GPHN: variants seen among roughly 807,000 people sequenced by gnomAD.
GPHN encodes gephyrin.
Under a neutral mutation model 95.5 loss-of-function variants are expected in GPHN, and 17 were observed. The observed-to-expected ratio is 0.18, with a 90% confidence interval of 0.12 to 0.27. The LOEUF (loss-of-function observed/expected upper bound fraction) is 0.27. Among genes scored for constraint, GPHN ranks in the 10% least tolerant of loss-of-function variants. The pLI, the probability that GPHN is intolerant of heterozygous loss-of-function variation, is 1.00. For synonymous variants in GPHN, 320 were observed against 322.5 expected (o/e 0.99, Z 0.08); for missense variants, 660 against 978.1 (o/e 0.67, Z 4.34).
chr14:67,374,518 T>G, the GPHN span: 1 of 1,608,302 alleles, frequency 6.2e-7, no homozygotes, highest in Non-Finnish European at 8.5e-7. Flanking sequence ...AGCAATCAAA[T>G]GTGAAGACAA....
At chr14:66,918,567 C>T (rs751841000) in intron 6 of GPHN, among the ~76,000 whole-genome samples, 4 of 152,112 alleles carry the variant, frequency 2.6e-5, no homozygotes, top group Non-Finnish European at 5.9e-5. Flanking sequence ...CTGCTAGACA[C>T]GAAAGCTTTG....
chr14:66,647,862 T>C (rs1348558494), intron 1 of GPHN, among the ~76,000 whole-genome samples: 1 of 152,176 alleles, frequency 6.6e-6, no homozygotes, highest in African/African-American at 2.4e-5. Flanking sequence ...ATTCAAATGT[T>C]AAAACATTGC....
chr14:67,717,582 G>C, the GPHN span, among the ~76,000 whole-genome samples: 1 of 152,184 alleles, frequency 6.6e-6, no homozygotes, highest in African/African-American at 2.4e-5. Context: ...CTACATTCTG[G>C]AGGGCAGTGG....
At chr14:66,581,759 T>A (rs913041591) in intron 1 of GPHN, among the ~76,000 whole-genome samples, 1 of 151,846 alleles carries the variant, frequency 6.6e-6, no homozygotes, top group Non-Finnish European at 1.5e-5. Context: ...TTATATCAGA[T>A]GAAATAGAAT....
chr14:66,964,979 A>G lies in GPHN; in HGVS notation c.829-212A>G, dbSNP rs10147356. ...ATACTATACTGCCTCTCATATTAAAAAGTTTTATGAAATGGTACTTGCCAG... is the reference window on the plus strand; with the variant it reads ...ATACTATACTGCCTCTCATATTAAAGAGTTTTATGAAATGGTACTTGCCAG... On this transcript the variant is annotated intron_variant, in intron 8 of 22. Coordinates refer to ENST00000478722, the MANE Select transcript of GPHN (RefSeq NM_020806.5). Among the ~76,000 whole-genome samples the G allele has an allele frequency of 0.047, 7,217 of 152,234 alleles. 371 individuals carry two copies. The highest frequency in any genetic ancestry group is 0.12 in the African/African-American group (5,003 of 41,528).
intron 4 of GPHN, among the ~76,000 whole-genome samples, chr14:66,879,192 C>A (rs1364261713): frequency 6.6e-6 from 1 of 151,992 alleles, no homozygotes; most frequent in African/African-American, 2.4e-5. Flanking sequence ...AAACATCACA[C>A]ACCAGGGCCT....
At chr14:66,661,661 A>C (rs2065658916) in intron 1 of GPHN, among the ~76,000 whole-genome samples, 1 of 151,874 alleles carries the variant, frequency 6.6e-6, no homozygotes. Flanking sequence ...TTTAAGCAGA[A>C]CCCTGATCCG....
At chr14:67,174,327 G>A (rs932479387) in intron 21 of GPHN, among the ~76,000 whole-genome samples, 2 of 145,802 alleles carry the variant, frequency 1.4e-5, no homozygotes, top group Admixed American at 7.2e-5. Flanking sequence ...GAGAACACAC[G>A]GTGTTTGGTT....
chr14:67,047,773 C>A (rs371643969), intron 10 of GPHN, among the ~76,000 whole-genome samples: 10 of 152,302 alleles, frequency 6.6e-5, no homozygotes, highest in African/African-American at 2.4e-4. Context: ...CCAGTCTGAG[C>A]AACATAGGGA....
At chr14:67,730,237 A>G in the GPHN span, among the ~76,000 whole-genome samples, 1 of 152,206 alleles carries the variant, frequency 6.6e-6, no homozygotes, top group African/African-American at 2.4e-5. Flanking sequence ...ATAGCTTATA[A>G]GTGGTAGATC....
intron 9 of GPHN, among the ~76,000 whole-genome samples, chr14:66,995,091 T>C (rs1453031049): frequency 6.6e-6 from 1 of 152,178 alleles, no homozygotes; most frequent in Non-Finnish European, 1.5e-5. Context: ...CGTACCTTTG[T>C]GTTTTGATAC....
intron 3 of GPHN, among the ~76,000 whole-genome samples, chr14:66,789,905 C>G (rs2059912764): frequency 6.6e-6 from 1 of 152,144 alleles, no homozygotes; most frequent in South Asian, 2.1e-4. Context: ...CACCAGAGTT[C>G]TCTCATAATG....
chr14:67,483,161 C>T, the GPHN span, among the ~76,000 whole-genome samples: 4 of 152,102 alleles, frequency 2.6e-5, no homozygotes, highest in Admixed American at 1.3e-4. Context: ...TAGGTTCCTG[C>T]CACCACACCC....
the GPHN span, chr14:67,376,301 T>G: frequency 1.1e-6 from 1 of 877,832 alleles, no homozygotes; most frequent in East Asian, 2.7e-5. Context: ...TATACCCACT[T>G]AAAGTGAGTA....
At chr14:66,690,616 CTAT>C (rs1466762412) in intron 2 of GPHN, among the ~76,000 whole-genome samples, 2 of 152,144 alleles carry the variant, frequency 1.3e-5, no homozygotes, top group Non-Finnish European at 2.9e-5. Flanking sequence ...AAGTCCCCAT[CTAT>C]TATTGTATCA....
the GPHN span, among the ~76,000 whole-genome samples, chr14:67,217,204 A>G: frequency 6.6e-6 from 1 of 151,596 alleles, no homozygotes; most frequent in Admixed American, 6.6e-5. Context: ...ATTCTGTTTT[A>G]TCTGATATAA....
intron 1 of GPHN, among the ~76,000 whole-genome samples, chr14:66,661,508 C>T (rs543708462): frequency 2.0e-5 from 3 of 151,116 alleles, no homozygotes; most frequent in East Asian, 2.0e-4. Context: ...TGAGTGCCTG[C>T]GGGGAGGGGC....
At chr14:66,852,438 G>A (rs78240428) in intron 4 of GPHN, among the ~76,000 whole-genome samples, 2 of 152,248 alleles carry the variant, frequency 1.3e-5, no homozygotes, top group Admixed American at 1.3e-4. Context: ...CGCGCTAAAT[G>A]CAGGAGTTGA....
chr14:67,622,809 C>G, the GPHN span, among the ~76,000 whole-genome samples: 2 of 152,234 alleles, frequency 1.3e-5, no homozygotes, highest in Non-Finnish European at 2.9e-5. Context: ...TTAAGAGATT[C>G]CTGACAAGAA....
Sources: gnomAD v4.1 joint callset for allele counts (sites outside exome capture counted in the v4.1 genomes callset) on GRCh38, gnomAD v4.1.1 for gene constraint, MANE v1.5 for transcripts, NCBI Gene and HGNC (gene_info 2026-07-23, HGNC 2026-07-21) for gene names.